VSTM4: variants seen among roughly 807,000 people sequenced by gnomAD.
The protein encoded by VSTM4 is V-set and transmembrane domain-containing protein 4.
A neutral mutation model predicts 36.4 loss-of-function variants in VSTM4; 20 were observed. The observed-to-expected ratio is 0.55, with a 90% CI of 0.39 to 0.80. The LOEUF is 0.80. VSTM4 is among the 30% of genes least tolerant of loss of function. VSTM4 has a pLI of 0.00. For missense variants in VSTM4, 392 were observed against 404.5 expected (o/e 0.97, Z 0.26); for synonymous variants, 182 against 173.9 (o/e 1.05, Z -0.37).
At chr10:49,027,630 C>A (rs1210673701) in intron 7 of VSTM4, among the ~76,000 whole-genome samples, 1 of 152,208 alleles carries the variant, frequency 6.6e-6, no homozygotes, top group African/African-American at 2.4e-5. Flanking sequence ...CCCCTGGCAA[C>A]CACAGATCTG....
chr10:49,046,966 A>G lies in VSTM4; in HGVS notation c.837+17T>C. On this transcript the variant is annotated intron_variant, in intron 7 of 7. Transcript: ENST00000332853. ...GAGGCTTAAGGTATGATAGGAATACAGAAGACGGTTACTTACCAGCGTGAC... is the reference window on the plus strand; with the variant it reads ...GAGGCTTAAGGTATGATAGGAATACGGAAGACGGTTACTTACCAGCGTGAC... 1 of 1,612,802 alleles carries G rather than the reference A, an allele frequency of 6.2e-7. No homozygotes were observed. The highest frequency in any genetic ancestry group is 8.5e-7 in the Non-Finnish European group (1 of 1,178,748).
intron 3 of VSTM4, among the ~76,000 whole-genome samples, chr10:49,078,169 G>A (rs992519392): frequency 6.6e-6 from 1 of 152,180 alleles, no homozygotes; most frequent in African/African-American, 2.4e-5. Flanking sequence ...CCCAAATGCT[G>A]GCAAGGATAC....
intron 7 of VSTM4, among the ~76,000 whole-genome samples, chr10:49,032,854 T>C (rs1274676712): frequency 6.7e-6 from 1 of 149,426 alleles, no homozygotes; most frequent in Admixed American, 6.7e-5. Flanking sequence ...GATAGATCAA[T>C]AGAGAGAGAG....
intron 5 of VSTM4, 34 bp from the exon 6 acceptor site, chr10:49,048,618 G>C: frequency 6.4e-7 from 1 of 1,551,786 alleles, no homozygotes; most frequent in Non-Finnish European, 8.7e-7. Flanking sequence ...GAAACCAAAG[G>C]CAGATTTGTT....
Position 49,085,976 on chromosome 10 carries a change from C to A in VSTM4, c.505G>T (p.Glu169Ter). ...SEESSFEKTK[E>*]TWAFFEDLYV... ...TTACCTTCAAAAAATGCCCAAGTCT[C>A]TTTTGTTTTCTCAAAGGATGACTCT... Residue 169 changes from glutamate (E) to a stop codon, truncating the protein, a stop_gained, in exon 3 of 8, where the codon GAG (glutamate) becomes TAG (stop). Coordinates refer to ENST00000332853, the MANE Select transcript of VSTM4 (RefSeq NM_001031746.5). LOFTEE classifies it high-confidence loss of function. The A allele has an allele frequency of 6.3e-7, 1 of 1,594,588 alleles. No homozygotes were observed. Among genetic ancestry groups the A allele is most frequent in the Non-Finnish European group, 8.5e-7 (1 of 1,172,106 alleles).
intron 1 of VSTM4, among the ~76,000 whole-genome samples, chr10:49,114,506 C>A (rs1844953677): frequency 6.6e-6 from 1 of 152,122 alleles, no homozygotes; most frequent in Non-Finnish European, 1.5e-5. Context: ...TGGGCCTGAG[C>A]CTCAGTTTCC....
At chr10:49,054,457 T>G (rs1843744807) in intron 5 of VSTM4, among the ~76,000 whole-genome samples, 1 of 152,074 alleles carries the variant, frequency 6.6e-6, no homozygotes. Flanking sequence ...GGCTGGTGCC[T>G]AAGACCCAGG....
Position 49,018,285 on chromosome 10 carries a change from A to G in VSTM4, c.*1365T>C, listed in dbSNP as rs1447066902. On this transcript the variant is annotated 3_prime_UTR_variant, in exon 8 of 8. Coordinates refer to ENST00000332853, the MANE Select transcript of VSTM4 (RefSeq NM_001031746.5). ...ACAGAGCATTTGTGTAGCAATTTAC[A>G]GTTTCTAGAACTGGCAAGATTCATT... 1 of 152,340 alleles carries G rather than the reference A, an allele frequency of 6.6e-6. No individual in the cohort carries two copies. Among genetic ancestry groups the G allele is most frequent in the East Asian group, 1.9e-4 (1 of 5,186 alleles). The allele number at this position is 152,340 out of a possible 1,614,324, so 9.4% of individuals were successfully genotyped here. A position where few individuals can be genotyped will look rare whatever the true frequency, so the allele number is the denominator to read the frequency against.
rs75170339 is a variant in VSTM4 at position 49,105,656 on chromosome 10, T to C, written c.457+1938A>G. Among the ~76,000 whole-genome samples the C allele has an allele frequency of 2.0e-3, 311 of 152,230 alleles. 3 individuals are homozygous for C. In the East Asian group the frequency reaches 0.022, roughly 11 times the overall value. ...CTGAACCCAGCTTCACTCACTGAAA[T>C]GAGATTCACGTTAACCAACAAGCTA... On this transcript the variant is annotated intron_variant, in intron 2 of 7. Coordinates refer to ENST00000332853, the MANE Select transcript of VSTM4 (RefSeq NM_001031746.5).
intron 1 of VSTM4, among the ~76,000 whole-genome samples, chr10:49,112,514 G>A (rs1364530586): frequency 1.3e-5 from 2 of 152,234 alleles, no homozygotes; most frequent in African/African-American, 2.4e-5. Context: ...TTCACAGTAA[G>A]CATAGGCTCC....
At chr10:49,107,503 C>A in intron 2 of VSTM4, 91 bp downstream of exon 2, 1 of 1,487,098 alleles carries the variant, frequency 6.7e-7, no homozygotes, top group East Asian at 2.3e-5. Flanking sequence ...TGCAACACAG[C>A]CAACCCGGGA....
At chr10:49,064,546 A>T (rs1843937722) in intron 5 of VSTM4, 157 bp downstream of exon 5, 1 of 820,320 alleles carries the variant, frequency 1.2e-6, no homozygotes, top group Non-Finnish European at 1.9e-6. Flanking sequence ...CCTTGGAAAC[A>T]TGCAAATGCA....
At chr10:49,103,519 C>T in intron 2 of VSTM4, 1 of 1,279,906 alleles carries the variant, frequency 7.8e-7, no homozygotes, top group Non-Finnish European at 9.9e-7. Flanking sequence ...CACTATATTA[C>T]TTTTGCAATA....
chr10:49,057,180 A>G (rs1001100561), intron 5 of VSTM4, among the ~76,000 whole-genome samples: 2 of 152,066 alleles, frequency 1.3e-5, no homozygotes, highest in African/African-American at 4.8e-5. Context: ...TGGAAACTAC[A>G]TTTCCACATC....
At chr10:49,037,013 T>C (rs946084606) in intron 7 of VSTM4, among the ~76,000 whole-genome samples, 1 of 152,234 alleles carries the variant, frequency 6.6e-6, no homozygotes, top group Non-Finnish European at 1.5e-5. Context: ...AGTGCTACAC[T>C]AGGAGATCAT....
At chr10:49,096,698 A>G (rs1243922419) in intron 2 of VSTM4, among the ~76,000 whole-genome samples, 6 of 146,904 alleles carry the variant, frequency 4.1e-5, no homozygotes, top group African/African-American at 1.6e-4. Context: ...CTTGTTGCCC[A>G]GGCTGGAGTA....
intron 7 of VSTM4, among the ~76,000 whole-genome samples, chr10:49,044,277 G>A (rs919018872): frequency 9.2e-5 from 14 of 151,950 alleles, no homozygotes; most frequent in African/African-American, 1.7e-4. Context: ...GCAGTGAGCC[G>A]AGGTAGTACC....
chr10:49,076,444 G>A (rs1261530874), intron 4 of VSTM4, among the ~76,000 whole-genome samples: 4 of 152,124 alleles, frequency 2.6e-5, no homozygotes, highest in Non-Finnish European at 4.4e-5. Flanking sequence ...AACCGGAGTC[G>A]GTCCATTTCC....
At chr10:49,089,265 C>G (rs12763447) in intron 2 of VSTM4, among the ~76,000 whole-genome samples, 14,622 of 152,198 alleles carry the variant, frequency 0.096, 938 homozygotes, top group East Asian at 0.21. Context: ...TCCACACTAG[C>G]TGTCTAAGTA....
Sources: allele counts gnomAD v4.1 joint callset (sites outside exome capture counted in the v4.1 genomes callset), GRCh38; gene constraint gnomAD v4.1.1; transcripts MANE v1.5; gene names NCBI Gene and HGNC (gene_info 2026-07-23, HGNC 2026-07-21).